Variants in SCN11A observed in about 807,000 individuals in gnomAD.
SCN11A encodes the protein sodium channel protein type 11 subunit alpha.
A neutral mutation model predicts 162.2 loss-of-function variants in SCN11A; 122 were observed. The observed-to-expected ratio is 0.75, with a 90% confidence interval of 0.65 to 0.87. The LOEUF is 0.87. Ranked by LOEUF, SCN11A falls within the 40% of genes least tolerant of loss-of-function variation. The pLI, the probability that SCN11A is intolerant of heterozygous loss-of-function variation, is 0.00. For missense variants in SCN11A, 2,015 were observed against 2,181.6 expected, an observed-to-expected ratio of 0.92 and a Z score of 1.52; for synonymous variants, 758 against 751.5, an observed-to-expected ratio of 1.01 and a Z score of -0.14.
At position 38,845,822 on chromosome 3, in the gene SCN11A, G is replaced by A. The variant is rs2064651456; in HGVS notation, c.*872C>T. 2.0e-5 allele frequency: 3 copies of A among 152,024 alleles called. No homozygotes were observed. The highest frequency in any genetic ancestry group is 4.4e-5 in the Non-Finnish European group (3 of 68,014). 9.4% of individuals were successfully genotyped at this position (152,024 alleles called of 1,614,324 possible). On this transcript the variant is annotated 3_prime_UTR_variant, in exon 30 of 30. Coordinates refer to ENST00000302328, the MANE Select transcript of SCN11A (RefSeq NM_001349253.2). ...TTATATATATATATATATCTGAGAT[G>A]GTAGCTTGTGAAAGGGTAGTAATTG... is the stretch of plus-strand genomic sequence containing the variant.
At position 38,903,943 on chromosome 3, in the gene SCN11A, G is replaced by A; in HGVS notation, c.1764C>T (p.Ile588=). 5 of 1,614,098 alleles carry A rather than the reference G, an allele frequency of 3.1e-6. No homozygotes were observed. The highest frequency in any genetic ancestry group is 3.4e-6 in the Non-Finnish European group (4 of 1,179,966). ...CCATGGCCAAGAAGACAGTGTTGAT[G>A]ATGATGCAGATGGTGATGGCCAGCT... is the stretch of plus-strand genomic sequence containing the variant. The part of the protein sequence containing the change: ...FTELAITICI[I]INTVFLAMEH... Residue 588 remains isoleucine (I), a synonymous_variant, in exon 16 of 30, where the codon ATC becomes ATT. Coordinates refer to ENST00000302328, the MANE Select transcript of SCN11A (RefSeq NM_001349253.2).
At chr3:38,985,941 T>C (rs2030223981) in intron 2 of SCN11A, among the ~76,000 whole-genome samples, 1 of 150,892 alleles carries the variant, frequency 6.6e-6, no homozygotes, top group African/African-American at 2.5e-5. Flanking sequence ...GGGTCTGCTT[T>C]GCAGGTGGCT....
chr3:39,045,721 T>G (rs943858079), intron 1 of SCN11A, among the ~76,000 whole-genome samples: 2 of 152,138 alleles, frequency 1.3e-5, no homozygotes, highest in Admixed American at 6.6e-5. Context: ...ACTCTTCCTC[T>G]AAAAACTGGA....
In SCN11A at chr3:38,880,436, T is replaced by A. The variant is rs74783639; in HGVS notation, c.3220-313A>T. ...TTATTTCCTGGGCTTCCTCATCTTT[T>A]CAACTCCTGCCAAATATGTCTTGCC... On this transcript the variant is annotated intron_variant, in intron 22 of 29. Transcript: ENST00000302328. 9.0e-3 allele frequency among the ~76,000 whole-genome samples: 1,369 copies of A among 152,288 alleles called. 28 individuals carry two copies. Among genetic ancestry groups the A allele is most frequent in the African/African-American group, 0.031 (1,302 of 41,560 alleles).
In SCN11A at chr3:38,950,271, ATCCGCTTC is replaced by A; in HGVS notation, c.84_91del (p.Glu28AspfsTer11). 1 of 1,613,796 alleles carries A rather than the reference ATCCGCTTC, an allele frequency of 6.2e-7. No individual in the cohort carries two copies. Among genetic ancestry groups the A allele is most frequent in the Non-Finnish European group, 8.5e-7 (1 of 1,179,954 alleles). On this transcript the variant is annotated frameshift_variant, in exon 5 of 30. Transcript: ENST00000302328. LOFTEE classifies it high-confidence loss of function. ...CTTCTTTTTCTCCTTTTGGATGGCA[ATCCGCTTC>A]TCAATTGCAGCCAGAGAGTCGGAAG...
At chr3:38,879,441 G>C (rs956497845) in intron 23 of SCN11A, among the ~76,000 whole-genome samples, 5 of 152,148 alleles carry the variant, frequency 3.3e-5, no homozygotes, top group Non-Finnish European at 5.9e-5. Context: ...AGGTTTCCTT[G>C]TATACAGTGT....
intron 28 of SCN11A, among the ~76,000 whole-genome samples, chr3:38,855,685 T>C (rs1445207110): frequency 6.6e-6 from 1 of 152,158 alleles, no homozygotes; most frequent in Non-Finnish European, 1.5e-5. Context: ...TTCTACTGCC[T>C]GCAACATCCT....
rs560304708 is a variant in SCN11A at position 38,885,432 on chromosome 3, C to G, written c.2950-30G>C. The G allele has an allele frequency of 3.8e-5, 46 of 1,226,450 alleles. No homozygotes were observed. The African/African-American group carries it at 6.1e-4, about 16-fold the overall frequency. 76.0% of individuals were successfully genotyped at this position (1,226,450 alleles called of 1,614,324 possible). ...ACATCAGAACAAAACGAAGGGGGTG[C>G]CTTTTACTAAGACCTTCTTTCACCA... On this transcript the variant is annotated intron_variant, in intron 20 of 29. Transcript: ENST00000302328.
rs977009196 is a variant in SCN11A, at chr3:38,948,778, C to A, written c.267+1318G>T. On this transcript the variant is annotated intron_variant, in intron 5 of 29. Coordinates refer to ENST00000302328, the MANE Select transcript of SCN11A (RefSeq NM_001349253.2). ...ACCCAGGCTGGAATAGTCCTGTTCT[C>A]CCGGACTGTCAGCTGCACACCAAAC... 5.3e-5 allele frequency among the ~76,000 whole-genome samples: 8 copies of A among 151,896 alleles called. No homozygotes were observed. In the South Asian group the frequency reaches 8.3e-4, roughly 16 times the overall value.
chr3:38,963,240 AT>A (rs992321838), intron 2 of SCN11A, among the ~76,000 whole-genome samples: 31 of 150,256 alleles, frequency 2.1e-4, no homozygotes, highest in East Asian at 1.2e-3. Context: ...AAAAAAAAAA[AT>A]AATCTGTACA....
chr3:38,882,771 T>C (rs950194560), intron 22 of SCN11A, among the ~76,000 whole-genome samples: 2 of 152,152 alleles, frequency 1.3e-5, no homozygotes, highest in Non-Finnish European at 2.9e-5. Context: ...CAAGGGATCA[T>C]GAATGACAGA....
chr3:38,859,056 G>A (rs1383239030), intron 28 of SCN11A, among the ~76,000 whole-genome samples: 2 of 151,968 alleles, frequency 1.3e-5, no homozygotes, highest in African/African-American at 2.4e-5. Context: ...CATTAAATGC[G>A]TACATCATAA....
chr3:38,998,896 G>A (rs1272860077), intron 2 of SCN11A, among the ~76,000 whole-genome samples: 7 of 137,888 alleles, frequency 5.1e-5, no homozygotes, highest in Admixed American at 1.5e-4. Flanking sequence ...ATCACACACC[G>A]GGGCCTGTTG....
rs377147511 is a variant in SCN11A, at chr3:39,032,435, G to A, written c.-335C>T. ...CTAGGGTACGGTGGAAAGACATACTGGATACTTTCACTGTGTTCAGCAAAT... is the reference window on the plus strand; with the variant it reads ...CTAGGGTACGGTGGAAAGACATACTAGATACTTTCACTGTGTTCAGCAAAT... On this transcript the variant is annotated 5_prime_UTR_variant, in exon 2 of 30. It introduces an in-frame stop codon into an upstream open reading frame of the 5' UTR. Transcript: ENST00000302328. Among the ~76,000 whole-genome samples, 1 of 152,078 alleles carries A rather than the reference G, an allele frequency of 6.6e-6. No individual in the cohort carries two copies. Among genetic ancestry groups the A allele is most frequent in the Non-Finnish European group, 1.5e-5 (1 of 68,018 alleles).
intron 8 of SCN11A, among the ~76,000 whole-genome samples, chr3:38,926,051 A>G (rs1314208533): frequency 6.6e-6 from 1 of 152,264 alleles, no homozygotes; most frequent in Non-Finnish European, 1.5e-5. Context: ...AAAAATATGC[A>G]AAGTGCTTAA....
intron 4 of SCN11A, among the ~76,000 whole-genome samples, chr3:38,950,989 G>A (rs2066604514): frequency 6.6e-6 from 1 of 152,258 alleles, no homozygotes; most frequent in African/African-American, 2.4e-5. Context: ...ACAGCGTGCT[G>A]GCAGTCCTCA....
Position 38,863,198 on chromosome 3 carries a change from A to G in SCN11A, c.4053T>C (p.Pro1351=). The change falls in exon 28 of 30, where the codon CCT becomes CCC. Residue 1351 remains proline (P), a synonymous_variant. Coordinates refer to ENST00000302328, the MANE Select transcript of SCN11A (RefSeq NM_001349253.2). ...ACAGTCATTCAATTGCTCTCACCAG[A>G]GGCCGTGGAATGGGTTTTTGAGGTT... The part of the protein sequence containing the change: ...SKKPQKPIPR[P]LNKCQGLVFD... The G allele has an allele frequency of 6.5e-7, 1 of 1,532,536 alleles. No individual in the cohort carries two copies. The highest frequency in any genetic ancestry group is 9.0e-7 in the Non-Finnish European group (1 of 1,106,250). The allele number at this position is 1,532,536 out of a possible 1,614,324, so 94.9% of individuals were successfully genotyped here. A position where few individuals can be genotyped will look rare whatever the true frequency, so the allele number is the denominator to read the frequency against.
chr3:39,029,387 C>T (rs914408030), intron 2 of SCN11A, among the ~76,000 whole-genome samples: 1 of 152,048 alleles, frequency 6.6e-6, no homozygotes, highest in East Asian at 1.9e-4. Context: ...CTATGAGATG[C>T]CTGTACATAT....
At chr3:38,859,964 T>G (rs1345281442) in intron 28 of SCN11A, among the ~76,000 whole-genome samples, 1 of 152,146 alleles carries the variant, frequency 6.6e-6, no homozygotes, top group African/African-American at 2.4e-5. Flanking sequence ...AGTACAGTAC[T>G]GTAAAACCTA....
Sources: allele counts gnomAD v4.1 joint callset (sites outside exome capture counted in the v4.1 genomes callset), GRCh38; gene constraint gnomAD v4.1.1; transcripts MANE v1.5; gene names NCBI Gene and HGNC (gene_info 2026-07-23, HGNC 2026-07-21).